NEK7: variants seen among roughly 807,000 people sequenced by gnomAD.
The protein encoded by NEK7 is NIMA related kinase 7.
A neutral mutation model predicts 44.6 loss-of-function variants in NEK7; 18 were observed. The ratio of observed to expected loss-of-function variants is 0.40; its 90% CI spans 0.28 to 0.60. The LOEUF is 0.60. Ranked by LOEUF, NEK7 falls within the 20% of genes least tolerant of loss-of-function variation. The probability of loss-of-function intolerance (pLI) is 0.38; values close to 1 mark genes in which losing one functional copy is unlikely to be tolerated. For missense variants in NEK7, 256 were observed against 366.5 expected (o/e 0.70, Z 2.46); for synonymous variants, 130 against 121.1 (o/e 1.07, Z -0.48).
chr1:198,231,338 A>AT (rs1399954083), intron 1 of NEK7, among the ~76,000 whole-genome samples: 375 of 112,462 alleles, frequency 3.3e-3, no homozygotes, highest in Middle Eastern at 4.6e-3. Context: ...TATATATATA[A>AT]AAACACATGA....
rs1195912469 is a variant in NEK7, at chr1:198,231,299, GTGTA to G, written c.-28-1252_-28-1249del. On this transcript the variant is annotated intron_variant, in intron 1 of 9. Coordinates refer to ENST00000367385, the MANE Select transcript of NEK7 (RefSeq NM_133494.3). ...TGTGTGTATATACGTGTATGTGTGT[GTGTA>G]TATATATATATATATATATATATAT... Among the ~76,000 whole-genome samples the G allele has an allele frequency of 4.4e-3, 432 of 98,232 alleles. 1 individual carries two copies. Among genetic ancestry groups the G allele is most frequent in the Middle Eastern group, 9.7e-3 (2 of 206 alleles). The allele number at this position is 98,232 out of a possible 152,430, so 64.4% of individuals were successfully genotyped here. A position where few individuals can be genotyped will look rare whatever the true frequency, so the allele number is the denominator to read the frequency against.
At chr1:198,310,182 C>G (rs1193502747) in intron 9 of NEK7, among the ~76,000 whole-genome samples, 1 of 152,174 alleles carries the variant, frequency 6.6e-6, no homozygotes, top group Non-Finnish European at 1.5e-5. Context: ...ATTTGCATTT[C>G]TCTGATGGCC....
At chr1:198,225,308 A>C (rs1190654120) in intron 1 of NEK7, among the ~76,000 whole-genome samples, 6 of 151,936 alleles carry the variant, frequency 3.9e-5, no homozygotes, top group Non-Finnish European at 8.8e-5. Context: ...ATATAAGTTA[A>C]ATAGAAAAGG....
In NEK7 at chr1:198,319,495, GATGC is replaced by G; in HGVS notation, c.892_895del (p.Cys298LeufsTer10). ...CCTATGTTTATGACGTAGCAAAGAGGATGCATGCATGCACTGCAAGCAGCTAAAC... is the reference window on the plus strand; with the variant it reads ...CCTATGTTTATGACGTAGCAAAGAGGATGCATGCACTGCAAGCAGCTAAAC... On this transcript the variant is annotated frameshift_variant, in exon 10 of 10. Transcript: ENST00000367385. LOFTEE classifies it high-confidence loss of function. 2 of 1,612,514 alleles carry G rather than the reference GATGC, an allele frequency of 1.2e-6. No homozygotes were observed. The highest frequency in any genetic ancestry group is 1.1e-5 in the South Asian group (1 of 90,976).
chr1:198,208,944 T>C (rs1181043769), intron 1 of NEK7, among the ~76,000 whole-genome samples: 1 of 152,028 alleles, frequency 6.6e-6, no homozygotes, highest in African/African-American at 2.4e-5. Flanking sequence ...GGGTTCGCTT[T>C]TCTTGGCTTC....
chr1:198,256,263 C>T, intron 3 of NEK7: 1 of 1,442,788 alleles, frequency 6.9e-7, no homozygotes, highest in Non-Finnish European at 9.1e-7. Flanking sequence ...TGTGCCACTC[C>T]ATTTAGTTCA....
chr1:198,158,044 A>C (rs960033860), intron 1 of NEK7, among the ~76,000 whole-genome samples: 1 of 152,172 alleles, frequency 6.6e-6, no homozygotes, highest in Non-Finnish European at 1.5e-5. Context: ...CTTGAGAGCT[A>C]AAGAACTTCT....
intron 1 of NEK7, among the ~76,000 whole-genome samples, chr1:198,157,981 C>T (rs1349073319): frequency 2.0e-5 from 3 of 152,170 alleles, no homozygotes. Context: ...AGTGACAAGA[C>T]CGTATGACCG....
chr1:198,316,073 A>G (rs1558108768), intron 9 of NEK7, among the ~76,000 whole-genome samples: 1 of 152,232 alleles, frequency 6.6e-6, no homozygotes, highest in Non-Finnish European at 1.5e-5. Context: ...TAAACCTCCA[A>G]AAGAAACTAG....
chr1:198,243,247 TA>T (rs1666740238), intron 2 of NEK7, among the ~76,000 whole-genome samples: 2 of 152,228 alleles, frequency 1.3e-5, no homozygotes, highest in Non-Finnish European at 2.9e-5. Flanking sequence ...TCACATCACT[TA>T]CTTTGTTTTT....
At chr1:198,268,091 C>T (rs1653712515) in intron 5 of NEK7, among the ~76,000 whole-genome samples, 1 of 151,374 alleles carries the variant, frequency 6.6e-6, no homozygotes, top group African/African-American at 2.4e-5. Flanking sequence ...TCTTAACTGA[C>T]TCATTCTCTT....
intron 9 of NEK7, among the ~76,000 whole-genome samples, chr1:198,317,285 C>T (rs1222842829): frequency 6.6e-6 from 1 of 152,226 alleles, no homozygotes; most frequent in African/African-American, 2.4e-5. Context: ...TGCTGTGGCT[C>T]TGCCTGTCGC....
At chr1:198,283,129 G>A (rs923902519) in intron 7 of NEK7, among the ~76,000 whole-genome samples, 1 of 152,118 alleles carries the variant, frequency 6.6e-6, no homozygotes, top group African/African-American at 2.4e-5. Context: ...CTGTCTGCTG[G>A]AACTGAGTGA....
intron 1 of NEK7, among the ~76,000 whole-genome samples, chr1:198,212,848 G>A (rs7539136): frequency 0.51 from 78,128 of 152,154 alleles, 23,387 homozygotes; most frequent in East Asian, 0.9. Context: ...AGCACAAAAA[G>A]CACAGCACTT....
chr1:198,313,935 A>G (rs1360920298), intron 9 of NEK7, among the ~76,000 whole-genome samples: 3 of 151,584 alleles, frequency 2.0e-5, no homozygotes, highest in Non-Finnish European at 4.4e-5. Flanking sequence ...CTCGAGGAGT[A>G]TCTTTGTGGC....
chr1:198,160,019 TC>T, intron 1 of NEK7, among the ~76,000 whole-genome samples: 1 of 152,252 alleles, frequency 6.6e-6, no homozygotes, highest in South Asian at 2.1e-4. Context: ...TCTTTTTTTT[TC>T]CCCTCAATTA....
Position 198,287,726 on chromosome 1 carries a change from TA to T in NEK7, c.590-5207del, listed in dbSNP as rs201058288. On this transcript the variant is annotated intron_variant, in intron 7 of 9. Coordinates refer to ENST00000367385, the MANE Select transcript of NEK7 (RefSeq NM_133494.3). ...CTAAAAATGAGACAGATTTTTGCTT[TA>T]AAAAAAAAAAAGCTAACTAAAACTC... Among the ~76,000 whole-genome samples, 808 of 144,972 alleles carry T rather than the reference TA, an allele frequency of 5.6e-3. 4 individuals carry two copies. The highest frequency in any genetic ancestry group is 0.014 in the African/African-American group (545 of 39,920).
intron 1 of NEK7, among the ~76,000 whole-genome samples, chr1:198,173,573 T>C (rs1664514275): frequency 1.3e-5 from 2 of 152,140 alleles, no homozygotes; most frequent in South Asian, 4.1e-4. Context: ...CATAAAATAA[T>C]ATCATTTCCA....
chr1:198,259,982 CT>C (rs1653402465), intron 3 of NEK7, among the ~76,000 whole-genome samples: 1 of 152,118 alleles, frequency 6.6e-6, no homozygotes, highest in South Asian at 2.1e-4. Flanking sequence ...GTGTTGCAGT[CT>C]GCATTCTGCA....
Sources: gnomAD v4.1 joint callset for allele counts (sites outside exome capture counted in the v4.1 genomes callset) on GRCh38, gnomAD v4.1.1 for gene constraint, MANE v1.5 for transcripts, NCBI Gene and HGNC (gene_info 2026-07-23, HGNC 2026-07-21) for gene names.